The following PRH1 variants were observed in gnomAD, a reference collection of about 807,000 sequenced individuals.
The protein encoded by PRH1 is salivary acidic proline-rich phosphoprotein 1/2.
A neutral mutation model predicts 7.9 loss-of-function variants in PRH1; 7 were observed. That is an observed-to-expected ratio of 0.89 (90% CI 0.50 to 1.67). The LOEUF is 1.67. PRH1 is among the 40% of genes most tolerant of loss of function. The pLI is 0.00. For synonymous variants in PRH1, 45 were observed against 80.8 expected, an observed-to-expected ratio of 0.56 and a Z score of 2.38; for missense variants, 109 against 223.6, an observed-to-expected ratio of 0.49 and a Z score of 3.27.
rs1949454437 is a variant in PRH1, at chr12:10,884,171, G to T, written c.47C>A (p.Ala16Asp). ...CATCTTACCTTCATTTAAATCCTGAGCTGAGCTGAAGGCCAGCAGGGCCAC... is the reference window on the plus strand; with the variant it reads ...CATCTTACCTTCATTTAAATCCTGATCTGAGCTGAAGGCCAGCAGGGCCAC... The part of the protein sequence containing the change: ...LSVALLAFSS[A>D]QDLNEDVSQE... The change falls in exon 1 of 4, where the codon GCT becomes GAT. Residue 16 changes from alanine (A) to aspartate (D), a missense_variant. Ala to Asp is a moderately radical substitution (Grantham distance 126, BLOSUM62 -2). This residue lies in a region of PRH1 where 60 missense variants were observed against 76.5 expected (regional missense o/e 0.78). Coordinates refer to ENST00000543626, the MANE Select transcript of PRH1 (RefSeq NM_001393989.1). The T allele has an allele frequency of 6.2e-7, 1 of 1,614,134 alleles. No homozygotes were observed. Among genetic ancestry groups the T allele is most frequent in the East Asian group, 2.2e-5 (1 of 44,872 alleles).
Position 10,968,012 on chromosome 12 carries a change from C to A in PRH1, c.-59+5643G>T, listed in dbSNP as rs978511789. Among the ~76,000 whole-genome samples, 3 of 152,106 alleles carry A rather than the reference C, an allele frequency of 2.0e-5. No individual in the cohort carries two copies. In the South Asian group the frequency reaches 6.2e-4, roughly 32 times the overall value. Reference sequence around the variant, plus strand: ...AGGAGAATCGTTTGAACCCAAGAGGCGGAGGTTGCAATGAGCTGAGATGGA... The same window carrying A: ...AGGAGAATCGTTTGAACCCAAGAGGAGGAGGTTGCAATGAGCTGAGATGGA... On this transcript the variant is annotated intron_variant, in intron 2 of 3. Transcript: ENST00000539853.
intron 1 of PRH1, among the ~76,000 whole-genome samples, chr12:11,019,761 G>C (rs140022045): frequency 6.0e-4 from 91 of 152,376 alleles, no homozygotes; most frequent in African/African-American, 1.9e-3. Flanking sequence ...TACTTCTTTT[G>C]TATCAGCAAA....
chr12:10,996,939 T>C, intron 1 of PRH1: 1 of 1,590,998 alleles, frequency 6.3e-7, no homozygotes, highest in Non-Finnish European at 8.6e-7. Flanking sequence ...ATGCACCTCT[T>C]GTGAATCTAT....
intron 1 of PRH1, chr12:11,022,195 T>C (rs779018202): frequency 5.0e-6 from 8 of 1,614,024 alleles, no homozygotes; most frequent in Non-Finnish European, 6.8e-6. Flanking sequence ...AACAACACTC[T>C]TAATTCTCTT....
intron 1 of PRH1, among the ~76,000 whole-genome samples, chr12:11,085,355 A>T (rs1210870451): frequency 7.2e-6 from 1 of 138,484 alleles, no homozygotes; most frequent in East Asian, 2.0e-4. Flanking sequence ...AATAGTCTTT[A>T]AGTACAATGA....
At chr12:10,955,955 A>G (rs1165819355) in intron 2 of PRH1, among the ~76,000 whole-genome samples, 1 of 152,034 alleles carries the variant, frequency 6.6e-6, no homozygotes, top group Non-Finnish European at 1.5e-5. Context: ...AGACAAACAA[A>G]CAAAAAAAGC....
At chr12:10,977,442 A>T (rs1442321301) in intron 1 of PRH1, among the ~76,000 whole-genome samples, 1 of 152,186 alleles carries the variant, frequency 6.6e-6, no homozygotes, top group Non-Finnish European at 1.5e-5. Flanking sequence ...ACCTATGACA[A>T]ACAAAGCCAC....
chr12:10,977,330 G>A (rs982165071), intron 1 of PRH1, among the ~76,000 whole-genome samples: 13 of 152,028 alleles, frequency 8.6e-5, no homozygotes, highest in African/African-American at 2.7e-4. Flanking sequence ...TTATCATCTC[G>A]ATAGATGCAG....
Position 10,903,172 on chromosome 12 carries a change from A to C in PRH1, c.-58-18897T>G, listed in dbSNP as rs1489970199. On this transcript the variant is annotated intron_variant, in intron 2 of 3. Coordinates refer to the PRH1 transcript ENST00000539853. ...GTAAAGGGTTGTAGAAGGATCTGTA[A>C]CACAAATAGAAAAGAAAAAAAGAAA... Among the ~76,000 whole-genome samples, 3 of 152,298 alleles carry C rather than the reference A, an allele frequency of 2.0e-5. No homozygotes were observed. The East Asian group carries it at 5.8e-4, about 29-fold the overall frequency.
intron 2 of PRH1, among the ~76,000 whole-genome samples, chr12:10,919,798 T>C (rs894129922): frequency 6.6e-6 from 1 of 152,066 alleles, no homozygotes; most frequent in African/African-American, 2.4e-5. Context: ...TTACTTATTA[T>C]ATACATTTTA....
At chr12:10,945,691 G>A (rs1229021529) in intron 2 of PRH1, among the ~76,000 whole-genome samples, 4 of 152,154 alleles carry the variant, frequency 2.6e-5, no homozygotes, top group Non-Finnish European at 4.4e-5. Context: ...CAGACAACCG[G>A]TTTGACCAAA....
chr12:10,921,756 C>A (rs1307390832), intron 2 of PRH1, among the ~76,000 whole-genome samples: 2 of 152,146 alleles, frequency 1.3e-5, no homozygotes, highest in African/African-American at 4.8e-5. Flanking sequence ...ACCTTGCTAT[C>A]CCTTGGATTT....
chr12:11,107,996 G>T (rs1171357145), intron 1 of PRH1, among the ~76,000 whole-genome samples: 2 of 152,044 alleles, frequency 1.3e-5, no homozygotes, highest in Non-Finnish European at 2.9e-5. Flanking sequence ...AGAGTGGTAT[G>T]ACATATTAAA....
At chr12:11,104,118 T>A (rs1945336869) in intron 1 of PRH1, among the ~76,000 whole-genome samples, 1 of 150,842 alleles carries the variant, frequency 6.6e-6, no homozygotes, top group Non-Finnish European at 1.5e-5. Flanking sequence ...ATTTAGATAT[T>A]TGATTCAACG....
intron 1 of PRH1, among the ~76,000 whole-genome samples, chr12:11,019,297 T>C (rs1941467782): frequency 6.6e-6 from 1 of 152,238 alleles, no homozygotes; most frequent in African/African-American, 2.4e-5. Flanking sequence ...TCTCACTAAT[T>C]GTGAAGTGGC....
intron 1 of PRH1, among the ~76,000 whole-genome samples, chr12:11,128,355 A>G (rs1383861652): frequency 8.0e-6 from 1 of 125,086 alleles, no homozygotes; most frequent in Admixed American, 8.0e-5. Context: ...CTAAGAGGGG[A>G]TCTTGGAGTC....
intron 1 of PRH1, among the ~76,000 whole-genome samples, chr12:11,014,396 A>G (rs1941199991): frequency 6.6e-6 from 1 of 152,186 alleles, no homozygotes. Flanking sequence ...ATGCAACATG[A>G]TGACTAACCT....
intron 1 of PRH1, among the ~76,000 whole-genome samples, chr12:11,057,759 T>A (rs1943425148): frequency 6.6e-6 from 1 of 152,242 alleles, no homozygotes; most frequent in African/African-American, 2.4e-5. Context: ...AGAGCATAGC[T>A]TCTGGCACTT....
intron 1 of PRH1, chr12:11,171,411 G>A (rs1236090900): frequency 2.4e-6 from 3 of 1,231,940 alleles, no homozygotes; most frequent in Non-Finnish European, 2.0e-6. Context: ...AAGCCCCGCC[G>A]CGACACCCAC....
Sources: allele counts gnomAD v4.1 joint callset (sites outside exome capture counted in the v4.1 genomes callset), GRCh38; gene constraint gnomAD v4.1.1; regional missense constraint gnomAD v4.1.1; transcripts MANE v1.5; gene names NCBI Gene and HGNC (gene_info 2026-07-23, HGNC 2026-07-21).